The following TRAPPC12 variants were observed in gnomAD, a reference collection of about 807,000 sequenced individuals.
TRAPPC12 encodes the protein trafficking protein particle complex subunit 12, also known as TPR repeat protein 15.
A neutral mutation model predicts 69.2 loss-of-function variants in TRAPPC12; 61 were observed. The ratio of observed to expected loss-of-function variants is 0.88; its 90% CI spans 0.72 to 1.09. The LOEUF is 1.09. TRAPPC12 is among the 50% of genes least tolerant of loss of function. TRAPPC12 has a pLI of 0.00. For synonymous variants in TRAPPC12, 469 were observed against 438.9 expected, an observed-to-expected ratio of 1.07 and a Z score of -0.86; for missense variants, 1,101 against 1,016.4, an observed-to-expected ratio of 1.08 and a Z score of -1.13.
At chr2:3,458,277 G>A (rs969341051) in intron 7 of TRAPPC12, 17 of 986,996 alleles carry the variant, frequency 1.7e-5, no homozygotes, top group East Asian at 1.1e-4. Flanking sequence ...GCAAGCTTCC[G>A]ATCATGCTTG....
At position 3,476,887 on chromosome 2, in the gene TRAPPC12, C is replaced by T. The variant is rs757186644; in HGVS notation, c.1777-808C>T. Among the ~76,000 whole-genome samples, 9 of 152,332 alleles carry T rather than the reference C, an allele frequency of 5.9e-5. No individual in the cohort carries two copies. In the East Asian group the frequency reaches 9.7e-4, roughly 16 times the overall value. On this transcript the variant is annotated intron_variant, in intron 9 of 11. Transcript: ENST00000324266. ...GAGCTCGCTGTCACATTCTGGCTCC[C>T]GCAGGCTGTGCCCCGGACACAAAGC...
At chr2:3,400,091 T>C (rs529947019) in intron 2 of TRAPPC12, among the ~76,000 whole-genome samples, 1 of 152,362 alleles carries the variant, frequency 6.6e-6, no homozygotes, top group South Asian at 2.1e-4. Context: ...AGGGACTTTG[T>C]GCTGTGTCCC....
At chr2:3,409,741 C>CTTTTTTTTTTTTTTTTTT (rs1558358525) in intron 3 of TRAPPC12, among the ~76,000 whole-genome samples, 6 of 51,750 alleles carry the variant, frequency 1.2e-4, no homozygotes, top group Non-Finnish European at 2.2e-4. Context: ...CAAAGCAAGA[C>CTTTTTTTTTTTTTTTTTT]TTTGTCTTTA....
At chr2:3,427,720 C>T (rs1388857809) in intron 5 of TRAPPC12, among the ~76,000 whole-genome samples, 1 of 152,126 alleles carries the variant, frequency 6.6e-6, no homozygotes, top group Non-Finnish European at 1.5e-5. Context: ...GCAAAACCCC[C>T]ATCTCTACTA....
intron 5 of TRAPPC12, among the ~76,000 whole-genome samples, chr2:3,426,367 A>T (rs1294887264): frequency 6.6e-6 from 1 of 152,128 alleles, no homozygotes; most frequent in African/African-American, 2.4e-5. Context: ...CGGACGTAGG[A>T]CTCTGTGTCA....
At chr2:3,380,745 C>A (rs114852731) in intron 1 of TRAPPC12, among the ~76,000 whole-genome samples, 2,842 of 152,344 alleles carry the variant, frequency 0.019, 30 homozygotes, top group Admixed American at 0.029. Context: ...GGATCTTCTT[C>A]ACAGTTACTA....
At chr2:3,471,628 T>A (rs12714378) in intron 9 of TRAPPC12, among the ~76,000 whole-genome samples, 91,812 of 152,034 alleles carry the variant, frequency 0.6, 30,154 homozygotes, top group African/African-American at 0.89. Flanking sequence ...AAGATTGAAG[T>A]CATTTGTATT....
intron 7 of TRAPPC12, among the ~76,000 whole-genome samples, chr2:3,458,904 T>C (rs1039447193): frequency 2.0e-5 from 3 of 152,340 alleles, no homozygotes; most frequent in Middle Eastern, 3.4e-3. Context: ...CAATCCATAT[T>C]TTACATCCAT....
chr2:3,460,477 G>A, intron 8 of TRAPPC12, 141 bp downstream of exon 8: 1 of 610,292 alleles, frequency 1.6e-6, no homozygotes, highest in African/African-American at 1.9e-5. Context: ...TTAACAGGGA[G>A]CCCAGTGACA....
At chr2:3,386,950 C>A (rs542825175) in intron 1 of TRAPPC12, among the ~76,000 whole-genome samples, 104 of 152,182 alleles carry the variant, frequency 6.8e-4, no homozygotes, top group African/African-American at 2.4e-3. Flanking sequence ...ACGGTTCAGC[C>A]ACTATGAAAA....
At chr2:3,475,351 G>A (rs147689919) in intron 9 of TRAPPC12, among the ~76,000 whole-genome samples, 8 of 151,988 alleles carry the variant, frequency 5.3e-5, no homozygotes, top group South Asian at 2.1e-4. Flanking sequence ...GAAATTCAGC[G>A]ATCCTCCCAC....
chr2:3,405,178 G>T (rs530674356), intron 3 of TRAPPC12, among the ~76,000 whole-genome samples: 416 of 149,072 alleles, frequency 2.8e-3, no homozygotes, highest in Non-Finnish European at 4.8e-3. Flanking sequence ...GTCTTTTTTT[G>T]GGGGGGTGGG....
At chr2:3,406,449 G>A (rs925036608) in intron 3 of TRAPPC12, among the ~76,000 whole-genome samples, 2 of 152,180 alleles carry the variant, frequency 1.3e-5, no homozygotes, top group African/African-American at 4.8e-5. Context: ...ATCACACCAA[G>A]TTTAAATGTG....
At chr2:3,438,333 T>G (rs1037047604) in intron 5 of TRAPPC12, among the ~76,000 whole-genome samples, 2 of 26,056 alleles carry the variant, frequency 7.7e-5, no homozygotes, top group African/African-American at 3.1e-4. Context: ...CCATCACCCC[T>G]GGGTTAGCCC....
At chr2:3,437,042 T>C (rs1572157857) in intron 5 of TRAPPC12, among the ~76,000 whole-genome samples, 1 of 10,476 alleles carries the variant, frequency 9.5e-5, no homozygotes, top group African/African-American at 5.4e-4. Context: ...TAATACCCCA[T>C]CACCCCTGAA....
chr2:3,436,087 G>T (rs1418234230), intron 5 of TRAPPC12, among the ~76,000 whole-genome samples: 1 of 152,232 alleles, frequency 6.6e-6, no homozygotes, highest in African/African-American at 2.4e-5. Context: ...CCCTGATGCA[G>T]CAGGTCTGGG....
At chr2:3,392,388 A>G (rs1335235679) in intron 2 of TRAPPC12, among the ~76,000 whole-genome samples, 1 of 152,126 alleles carries the variant, frequency 6.6e-6, no homozygotes, top group Admixed American at 6.6e-5. Context: ...CAAATGGATA[A>G]TTTCAGTGTC....
At chr2:3,409,781 G>GAC (rs1661951327) in intron 3 of TRAPPC12, among the ~76,000 whole-genome samples, 1 of 123,502 alleles carries the variant, frequency 8.1e-6, no homozygotes, top group Non-Finnish European at 1.7e-5. Context: ...AAAAAAAAGG[G>GAC]GAAGAAATGA....
At chr2:3,457,067 A>T in intron 6 of TRAPPC12, 1 of 462,604 alleles carries the variant, frequency 2.2e-6, no homozygotes, top group East Asian at 6.9e-5. Flanking sequence ...CCTGTGGGCG[A>T]ACGGGATAAG....
Sources: allele counts gnomAD v4.1 joint callset (sites outside exome capture counted in the v4.1 genomes callset), GRCh38; gene constraint gnomAD v4.1.1; transcripts MANE v1.5; gene names NCBI Gene and HGNC (gene_info 2026-07-23, HGNC 2026-07-21).